Variants in NOL4 observed in about 807,000 individuals in gnomAD.
NOL4 encodes the protein cancer/testis antigen 125.
In NOL4, 17 loss-of-function variants were observed where a neutral mutation model predicts 75.9. The observed-to-expected ratio is 0.22, with a 90% CI of 0.15 to 0.34. The LOEUF is 0.34. NOL4 is among the 10% of genes least tolerant of loss of function. The pLI is 1.00. For synonymous variants in NOL4, 292 were observed against 289.9 expected (o/e 1.01, Z -0.07); for missense variants, 614 against 793.5 (o/e 0.77, Z 2.72).
At chr18:34,206,553 G>T (rs1397661684) in intron 1 of NOL4, among the ~76,000 whole-genome samples, 1 of 152,026 alleles carries the variant, frequency 6.6e-6, no homozygotes, top group African/African-American at 2.4e-5. Flanking sequence ...CAGCATTTTA[G>T]AAATTTTTGT....
intron 5 of NOL4, among the ~76,000 whole-genome samples, chr18:34,079,710 G>GA (rs950025980): frequency 1.2e-4 from 18 of 150,828 alleles, no homozygotes; most frequent in African/African-American, 4.1e-4. Flanking sequence ...TCTTTTGGAA[G>GA]AAAAAAAAAG....
intron 6 of NOL4, among the ~76,000 whole-genome samples, chr18:33,974,979 T>C (rs915089260): frequency 6.6e-6 from 1 of 152,192 alleles, no homozygotes; most frequent in Non-Finnish European, 1.5e-5. Flanking sequence ...TGGGATACTA[T>C]GCAGCCTTAA....
At chr18:33,883,937 G>T (rs1364527917) in intron 9 of NOL4, among the ~76,000 whole-genome samples, 3 of 152,050 alleles carry the variant, frequency 2.0e-5, no homozygotes, top group African/African-American at 7.2e-5. Flanking sequence ...TAGAATGAGG[G>T]TTTTCAGCAC....
At chr18:33,914,180 AG>A (rs2145178147) in intron 9 of NOL4, among the ~76,000 whole-genome samples, 1 of 152,274 alleles carries the variant, frequency 6.6e-6, no homozygotes, top group Non-Finnish European at 1.5e-5. Flanking sequence ...TGGGATGGCC[AG>A]GAAAGACCAC....
chr18:33,933,725 C>G (rs180683409), intron 9 of NOL4, among the ~76,000 whole-genome samples: 56 of 152,222 alleles, frequency 3.7e-4, no homozygotes, highest in Middle Eastern at 6.8e-3. Context: ...TTATTTAATT[C>G]TACTTCTCTT....
chr18:34,080,263 G>A (rs1217808595), intron 5 of NOL4, among the ~76,000 whole-genome samples: 1 of 152,104 alleles, frequency 6.6e-6, no homozygotes, highest in Admixed American at 6.6e-5. Flanking sequence ...TCCTCTTCCA[G>A]TTTGTAGTTA....
chr18:34,010,552 G>A (rs891355491), intron 6 of NOL4, among the ~76,000 whole-genome samples: 8 of 151,784 alleles, frequency 5.3e-5, no homozygotes, highest in African/African-American at 1.9e-4. Flanking sequence ...TAACTAACCA[G>A]ATTATTTACA....
At chr18:33,915,583 T>C (rs1181574794) in intron 9 of NOL4, among the ~76,000 whole-genome samples, 1 of 152,060 alleles carries the variant, frequency 6.6e-6, no homozygotes, top group Non-Finnish European at 1.5e-5. Flanking sequence ...ACTGCTCTGC[T>C]AGAGGCATGA....
At chr18:34,135,582 C>T (rs1011806612) in intron 1 of NOL4, among the ~76,000 whole-genome samples, 24 of 143,344 alleles carry the variant, frequency 1.7e-4, no homozygotes, top group East Asian at 8.6e-4. Flanking sequence ...CTGTAGTGCC[C>T]GCTACTTGGG....
At chr18:34,095,327 G>C (rs928038735) in intron 4 of NOL4, among the ~76,000 whole-genome samples, 1 of 151,062 alleles carries the variant, frequency 6.6e-6, no homozygotes, top group Non-Finnish European at 1.5e-5. Flanking sequence ...CATTATCAGT[G>C]ATAACAATGT....
intron 2 of NOL4, chr18:34,121,323 G>A (rs759067424): frequency 6.6e-6 from 1 of 152,138 alleles, no homozygotes; most frequent in Admixed American, 6.5e-5. Flanking sequence ...GGCCCTAGGG[G>A]AGAACCACAA....
chr18:34,037,200 T>C (rs771598261), intron 5 of NOL4, among the ~76,000 whole-genome samples: 12 of 151,754 alleles, frequency 7.9e-5, no homozygotes, highest in Non-Finnish European at 1.3e-4. Context: ...TCCCAAGAAA[T>C]AAACTTAACC....
chr18:33,932,681 G>T (rs566030184), intron 9 of NOL4, among the ~76,000 whole-genome samples: 1 of 152,148 alleles, frequency 6.6e-6, no homozygotes, highest in Admixed American at 6.6e-5. Context: ...AATCCTATGT[G>T]ATTGAGAAGA....
intron 6 of NOL4, among the ~76,000 whole-genome samples, chr18:33,970,857 C>T (rs182488928): frequency 7.0e-4 from 107 of 151,910 alleles, no homozygotes; most frequent in Admixed American, 2.1e-3. Context: ...GAGAGAAATT[C>T]GATAGGTGAG....
chr18:33,988,166 A>G (rs953893331), intron 6 of NOL4, among the ~76,000 whole-genome samples: 2 of 152,046 alleles, frequency 1.3e-5, no homozygotes, highest in African/African-American at 4.8e-5. Flanking sequence ...AAAAAGAAAA[A>G]CACTGTCATA....
chr18:33,997,919 C>A (rs1007298841), intron 6 of NOL4, among the ~76,000 whole-genome samples: 2 of 151,704 alleles, frequency 1.3e-5, no homozygotes, highest in Non-Finnish European at 2.9e-5. Context: ...TGTACAATGA[C>A]ATATTATTGT....
At chr18:33,867,449 C>T (rs904034243) in intron 10 of NOL4, among the ~76,000 whole-genome samples, 18 of 152,078 alleles carry the variant, frequency 1.2e-4, no homozygotes, top group African/African-American at 4.3e-4. Context: ...AATTTTACAA[C>T]TGACAGTAAA....
intron 2 of NOL4, among the ~76,000 whole-genome samples, chr18:34,110,854 G>T (rs567664909): frequency 1.1e-4 from 16 of 151,764 alleles, no homozygotes; most frequent in African/African-American, 3.1e-4. Flanking sequence ...AAAAAATCAG[G>T]ATACAAAATC....
At chr18:33,908,843 A>T (rs1447003704) in intron 9 of NOL4, among the ~76,000 whole-genome samples, 2 of 152,156 alleles carry the variant, frequency 1.3e-5, no homozygotes, top group Non-Finnish European at 2.9e-5. Flanking sequence ...TGTGGGTGTT[A>T]TATGGTGTAT....
Sources: allele counts gnomAD v4.1 joint callset (sites outside exome capture counted in the v4.1 genomes callset), GRCh38; gene constraint gnomAD v4.1.1; transcripts MANE v1.5; gene names NCBI Gene and HGNC (gene_info 2026-07-23, HGNC 2026-07-21).